Variants in ALPK2 observed in about 807,000 individuals in gnomAD.
ALPK2 encodes the protein alpha-protein kinase 2.
In ALPK2, 127 loss-of-function variants were observed where a neutral mutation model predicts 163.1. The observed-to-expected ratio is 0.78, with a 90% confidence interval of 0.67 to 0.90. ALPK2 has a LOEUF of 0.90. ALPK2 is among the 40% of genes least tolerant of loss of function. The pLI is 0.00. For missense variants in ALPK2, 2,360 were observed against 2,589.6 expected (o/e 0.91, Z 1.92); for synonymous variants, 953 against 959.1 (o/e 0.99, Z 0.12).
Position 58,535,835 on chromosome 18 carries a change from A to G in ALPK2, c.4352T>C (p.Ile1451Thr), listed in dbSNP as rs56323211. 1.6e-3 allele frequency: 2,549 copies of G among 1,614,182 alleles called. 31 individuals are homozygous for G. The African/African-American group carries it at 0.027, about 17-fold the overall frequency. ...TCCCTGGAGACATGGAACTTGCAAA[A>G]TGGCCGGCTGGATTTCCGCTTCGTG... ...MGHEAEIQPA[I>T]LQVPCLQGTI... Residue 1451 changes from isoleucine to threonine, a missense_variant, in exon 5 of 13, where the codon ATT becomes ACT. Ile to Thr is a moderately conservative substitution (Grantham distance 89). Coordinates refer to ENST00000361673, the MANE Select transcript of ALPK2 (RefSeq NM_052947.4).
At chr18:58,499,235 A>G (rs2051418888) in intron 11 of ALPK2, among the ~76,000 whole-genome samples, 1 of 152,200 alleles carries the variant, frequency 6.6e-6, no homozygotes, top group Non-Finnish European at 1.5e-5. Context: ...GCAAAAAGCA[A>G]TAGGCACCCA....
chr18:58,517,344 A>G (rs1278383098), intron 8 of ALPK2, among the ~76,000 whole-genome samples, 162 bp from the exon 9 acceptor site: 3 of 152,218 alleles, frequency 2.0e-5, no homozygotes, highest in Non-Finnish European at 4.4e-5. Context: ...CATAGCTAAA[A>G]GAAGAGATGA....
intron 1 of ALPK2, among the ~76,000 whole-genome samples, chr18:58,620,220 G>A (rs1224381869): frequency 1.3e-5 from 2 of 152,176 alleles, no homozygotes; most frequent in African/African-American, 4.8e-5. Flanking sequence ...GAACCCGGGA[G>A]GTGGAGGTGG....
chr18:58,537,772 C>T lies in ALPK2; in HGVS notation c.2415G>A (p.Glu805=), dbSNP rs749481964. 1 of 1,614,138 alleles carries T rather than the reference C, an allele frequency of 6.2e-7. No homozygotes were observed. The highest frequency in any genetic ancestry group is 8.5e-7 in the Non-Finnish European group (1 of 1,180,000). The stretch of plus-strand genomic sequence containing the variant: ...TTCCTTGGTCACCAGCCTCAAAACA[C>T]TCCATTGCACACACTGCTTCTCTGT... The part of the protein sequence containing the change: ...PRDREAVCAM[E]CFEAGDQGTC... Residue 805 remains glutamate, a synonymous_variant, in exon 5 of 13, where the codon GAG becomes GAA. Coordinates refer to ENST00000361673, the MANE Select transcript of ALPK2 (RefSeq NM_052947.4).
At chr18:58,596,353 T>G (rs2052041135) in intron 3 of ALPK2, among the ~76,000 whole-genome samples, 1 of 152,156 alleles carries the variant, frequency 6.6e-6, no homozygotes, top group Admixed American at 6.5e-5. Context: ...CACCTCCTGG[T>G]GCCCACTGGT....
chr18:58,510,828 C>A (rs1192089465), intron 10 of ALPK2, among the ~76,000 whole-genome samples: 1 of 152,194 alleles, frequency 6.6e-6, no homozygotes, highest in Non-Finnish European at 1.5e-5. Flanking sequence ...ATGTCATCTG[C>A]AAACAGGGAC....
chr18:58,517,815 CAATAAA>C (rs2051530453), intron 8 of ALPK2, among the ~76,000 whole-genome samples: 1 of 150,650 alleles, frequency 6.6e-6, no homozygotes, highest in Admixed American at 6.6e-5. Flanking sequence ...AAACAGGTAG[CAATAAA>C]CAAAACAAAA....
At chr18:58,576,030 G>A (rs191219965) in intron 4 of ALPK2, among the ~76,000 whole-genome samples, 2 of 152,308 alleles carry the variant, frequency 1.3e-5, no homozygotes, top group East Asian at 3.9e-4. Flanking sequence ...GCTGGTCACT[G>A]TTTCTGCAAA....
intron 10 of ALPK2, among the ~76,000 whole-genome samples, chr18:58,506,205 G>A (rs1376954899): frequency 6.6e-6 from 1 of 151,944 alleles, no homozygotes; most frequent in African/African-American, 2.4e-5. Context: ...GTAGACACCG[G>A]GGATTCCAAA....
intron 4 of ALPK2, among the ~76,000 whole-genome samples, chr18:58,570,816 A>C (rs2051881987): frequency 6.6e-6 from 1 of 152,202 alleles, no homozygotes; most frequent in African/African-American, 2.4e-5. Context: ...CTTAGAAACC[A>C]AAACACCCTT....
intron 9 of ALPK2, 51 bp from the exon 10 acceptor site, chr18:58,515,132 C>T (rs1412693804): frequency 7.5e-7 from 1 of 1,332,652 alleles, no homozygotes; most frequent in Non-Finnish European, 1.1e-6. Flanking sequence ...GAAATTCAGA[C>T]AGTATTGCCC....
chr18:58,537,260 G>A lies in ALPK2; in HGVS notation c.2927C>T (p.Ala976Val), dbSNP rs755102432. The change falls in exon 5 of 13, where the codon GCC becomes GTC. Residue 976 changes from alanine (A) to valine (V), a missense_variant. Coordinates refer to ENST00000361673, the MANE Select transcript of ALPK2 (RefSeq NM_052947.4). Reference sequence around the variant, plus strand: ...AAAACTCACAATTGAACTATAACTGGCTGGTGTGGCTGTGGTGTCTGCGGC... The same window carrying A: ...AAAACTCACAATTGAACTATAACTGACTGGTGTGGCTGTGGTGTCTGCGGC... Reference protein sequence around the residue: ...PSAADTTATPASYSSIVSFPW... With the variant: ...PSAADTTATPVSYSSIVSFPW... The A allele has an allele frequency of 2.5e-6, 4 of 1,614,120 alleles. No individual in the cohort carries two copies. The highest frequency in any genetic ancestry group is 2.2e-5 in the South Asian group (2 of 91,078).
Position 58,517,170 on chromosome 18 carries a change from ATC to A in ALPK2, c.5676_5677del (p.Glu1892AspfsTer2). 1 of 1,613,900 alleles carries A rather than the reference ATC, an allele frequency of 6.2e-7. No individual in the cohort carries two copies. The highest frequency in any genetic ancestry group is 1.7e-5 in the Admixed American group (1 of 60,016). On this transcript the variant is annotated frameshift_variant, in exon 9 of 13. Coordinates refer to ENST00000361673, the MANE Select transcript of ALPK2 (RefSeq NM_052947.4). ...TTTGAAGATGAGTTGGCTGAATTCA[ATC>A]TCTTCACATCCTGAAACACAGCACA... is the stretch of plus-strand genomic sequence containing the variant.
intron 5 of ALPK2, among the ~76,000 whole-genome samples, chr18:58,531,463 G>A (rs2051613554): frequency 6.6e-6 from 1 of 151,994 alleles, no homozygotes; most frequent in Admixed American, 6.6e-5. Flanking sequence ...CAAGAAGGAA[G>A]GAGAACTTCC....
intron 1 of ALPK2, among the ~76,000 whole-genome samples, chr18:58,614,958 CTGTA>C (rs2052157552): frequency 6.6e-6 from 1 of 151,092 alleles, no homozygotes; most frequent in Non-Finnish European, 1.5e-5. Flanking sequence ...TACTTTCTGT[CTGTA>C]TGTATTTGTC....
chr18:58,608,182 A>G (rs963390575), intron 2 of ALPK2, among the ~76,000 whole-genome samples: 1 of 152,252 alleles, frequency 6.6e-6, no homozygotes, highest in Non-Finnish European at 1.5e-5. Context: ...TGCGTTAGTT[A>G]TGGCACAAAA....
intron 3 of ALPK2, among the ~76,000 whole-genome samples, chr18:58,603,570 C>T (rs767460115): frequency 4.6e-5 from 7 of 152,188 alleles, no homozygotes; most frequent in Non-Finnish European, 8.8e-5. Context: ...CTCCTGCTGG[C>T]TCTCAGCACA....
At chr18:58,552,117 G>A (rs1460007663) in intron 4 of ALPK2, among the ~76,000 whole-genome samples, 1 of 152,058 alleles carries the variant, frequency 6.6e-6, no homozygotes, top group Non-Finnish European at 1.5e-5. Context: ...AAATCGCAAG[G>A]CAGTATCAAA....
At chr18:58,602,600 T>C (rs1225119913) in intron 3 of ALPK2, among the ~76,000 whole-genome samples, 1 of 152,156 alleles carries the variant, frequency 6.6e-6, no homozygotes, top group African/African-American at 2.4e-5. Context: ...TGTTTTCCCT[T>C]TTTAAAAGTA....
Sources: allele counts gnomAD v4.1 joint callset (sites outside exome capture counted in the v4.1 genomes callset), GRCh38; gene constraint gnomAD v4.1.1; transcripts MANE v1.5; gene names NCBI Gene and HGNC (gene_info 2026-07-23, HGNC 2026-07-21).